CRADD: variants seen among roughly 807,000 people sequenced by gnomAD.
CRADD encodes CARD and death domain containing adaptor protein.
A neutral mutation model predicts 15.5 loss-of-function variants in CRADD; 9 were observed. The observed-to-expected ratio is 0.58, with a 90% CI of 0.35 to 1.01. The LOEUF (loss-of-function observed/expected upper bound fraction) is 1.01. Among genes scored for constraint, CRADD ranks in the 50% least tolerant of loss-of-function variants. The probability of loss-of-function intolerance (pLI) is 0.02; values close to 1 mark genes in which losing one functional copy is unlikely to be tolerated. For synonymous variants in CRADD, 118 were observed against 107.6 expected (o/e 1.10, Z -0.60); for missense variants, 227 against 250.3 (o/e 0.91, Z 0.63).
At chr12:93,872,040 T>A (rs1958425124) in intron 2 of CRADD, among the ~76,000 whole-genome samples, 1 of 152,176 alleles carries the variant, frequency 6.6e-6, no homozygotes, top group Non-Finnish European at 1.5e-5. Flanking sequence ...AGTGTATGAG[T>A]GTTCCCTTTT....
At chr12:93,722,422 G>A (rs771073880) in intron 2 of CRADD, among the ~76,000 whole-genome samples, 23 of 151,666 alleles carry the variant, frequency 1.5e-4, no homozygotes, top group African/African-American at 2.9e-4. Flanking sequence ...ATATTGTTTC[G>A]TATATTTTTT....
chr12:93,778,055 C>G (rs1319229993), intron 2 of CRADD, among the ~76,000 whole-genome samples: 1 of 152,124 alleles, frequency 6.6e-6, no homozygotes, highest in Non-Finnish European at 1.5e-5. Flanking sequence ...CCAAGACAGT[C>G]CATGTGTGGT....
intron 2 of CRADD, among the ~76,000 whole-genome samples, chr12:93,713,064 G>A (rs1030261801): frequency 1.3e-5 from 2 of 150,162 alleles, no homozygotes; most frequent in Admixed American, 6.7e-5. Context: ...TTTGAAGATC[G>A]TTTTTTTTTA....
chr12:93,801,807 C>T (rs145012620), intron 2 of CRADD, among the ~76,000 whole-genome samples: 218 of 152,258 alleles, frequency 1.4e-3, no homozygotes, highest in African/African-American at 5.1e-3. Flanking sequence ...GTCACTTGAG[C>T]AGGGTACACT....
intron 2 of CRADD, among the ~76,000 whole-genome samples, chr12:93,681,873 GTGTGTATA>G (rs1955312838): frequency 6.6e-6 from 1 of 151,824 alleles, no homozygotes; most frequent in African/African-American, 2.4e-5. Flanking sequence ...AGGTGTGTGT[GTGTGTATA>G]TGTATATATG....
At chr12:93,851,305 C>T (rs1015737081), downstream of CRADD, among the ~76,000 whole-genome samples, 1 of 152,110 alleles carries the variant, frequency 6.6e-6, no homozygotes, top group Non-Finnish European at 1.5e-5. Context: ...GGTTGGGTGC[C>T]GGCTCCTGAG....
intron 2 of CRADD, among the ~76,000 whole-genome samples, chr12:93,707,143 C>A (rs1353331266): frequency 3.3e-5 from 5 of 152,192 alleles, no homozygotes; most frequent in Admixed American, 2.0e-4. Context: ...GTCATTGAAC[C>A]TTGGTTAAAC....
chr12:93,817,997 G>T (rs1957726272), intron 2 of CRADD, among the ~76,000 whole-genome samples: 3 of 152,198 alleles, frequency 2.0e-5, no homozygotes, highest in African/African-American at 7.2e-5. Flanking sequence ...GGTTCCCCCC[G>T]CCAGGTCTGG....
chr12:93,743,723 A>T (rs903800825), intron 2 of CRADD, among the ~76,000 whole-genome samples: 1 of 152,176 alleles, frequency 6.6e-6, no homozygotes, highest in Middle Eastern at 3.2e-3. Flanking sequence ...CTATGATCAC[A>T]TATTGGGCTC....
At position 93,746,787 on chromosome 12, in the gene CRADD, T is replaced by G. The variant is rs571465597; in HGVS notation, c.298+67715T>G. Among the ~76,000 whole-genome samples, 3 of 152,236 alleles carry G rather than the reference T, an allele frequency of 2.0e-5. No homozygotes were observed. In the East Asian group the frequency reaches 5.8e-4, roughly 29 times the overall value. ...CCAGATTTTGCTGAATTTGGATTTT[T>G]TTTTTTTTTTGAAGAAGGAAAGAAG... On this transcript the variant is annotated intron_variant, in intron 2 of 2. Coordinates refer to ENST00000332896, the MANE Select transcript of CRADD (RefSeq NM_003805.5).
chr12:93,835,242 C>T (rs1264782538), intron 2 of CRADD, among the ~76,000 whole-genome samples: 1 of 152,112 alleles, frequency 6.6e-6, no homozygotes, highest in Non-Finnish European at 1.5e-5. Flanking sequence ...AATATTTATG[C>T]ACTATACTTT....
At chr12:93,703,978 C>CTTTTTTTTTTTTTTTT (rs71071759) in intron 2 of CRADD, among the ~76,000 whole-genome samples, 1 of 90,270 alleles carries the variant, frequency 1.1e-5, no homozygotes. Flanking sequence ...TGGAGCCTTT[C>CTTTTTTTTTTTTTTTT]TTTTTTTTTT....
chr12:93,875,735 GT>G (rs1047307484), intron 2 of CRADD, among the ~76,000 whole-genome samples: 10 of 151,886 alleles, frequency 6.6e-5, no homozygotes, highest in African/African-American at 2.4e-4. Context: ...TTAACTTTTT[GT>G]TGTTCTATTT....
chr12:93,753,033 C>A (rs780349338), intron 2 of CRADD, among the ~76,000 whole-genome samples: 1 of 152,104 alleles, frequency 6.6e-6, no homozygotes, highest in Non-Finnish European at 1.5e-5. Context: ...GTAATTCAAC[C>A]ACCTCCCACT....
At chr12:93,773,897 G>T (rs1957113739) in intron 2 of CRADD, among the ~76,000 whole-genome samples, 1 of 140,894 alleles carries the variant, frequency 7.1e-6, no homozygotes, top group African/African-American at 2.7e-5. Context: ...CCAGGCTCTA[G>T]TGCAATGGTG....
At chr12:93,837,288 T>A (rs1957984811) in intron 2 of CRADD, 1 of 152,938 alleles carries the variant, frequency 6.5e-6, no homozygotes, top group Non-Finnish European at 1.5e-5. Context: ...TTTTTTTTTT[T>A]AGAGGGAGTC....
intron 2 of CRADD, among the ~76,000 whole-genome samples, chr12:93,802,903 C>T (rs1191378339): frequency 1.3e-5 from 2 of 152,104 alleles, no homozygotes; most frequent in African/African-American, 4.8e-5. Flanking sequence ...GGCAGGAGCT[C>T]CCCTTAGTGT....
At chr12:93,686,879 AATTGAAAGAGGCTTTTTAAAAATT>A (rs946872229) in intron 2 of CRADD, among the ~76,000 whole-genome samples, 3 of 151,736 alleles carry the variant, frequency 2.0e-5, no homozygotes, top group African/African-American at 4.8e-5. Context: ...CAGTGTTAAT[AATTGAAAGAGGCTTTTTAAAAATT>A]GTACTAATGC....
At chr12:93,729,285 G>T (rs1956422685) in intron 2 of CRADD, among the ~76,000 whole-genome samples, 1 of 151,966 alleles carries the variant, frequency 6.6e-6, no homozygotes, top group Non-Finnish European at 1.5e-5. Flanking sequence ...AAAGGCATTG[G>T]GATTACATAC....
Sources: allele counts gnomAD v4.1 joint callset (sites outside exome capture counted in the v4.1 genomes callset), GRCh38; gene constraint gnomAD v4.1.1; transcripts MANE v1.5; gene names NCBI Gene and HGNC (gene_info 2026-07-23, HGNC 2026-07-21).